LRRC55: variants seen among roughly 807,000 people sequenced by gnomAD.
LRRC55 encodes leucine-rich repeat-containing protein 55.
LRRC55 carries 11 observed loss-of-function variants against 20.5 expected under a neutral mutation model. The ratio of observed to expected loss-of-function variants is 0.54; its 90% CI spans 0.34 to 0.89. The LOEUF (loss-of-function observed/expected upper bound fraction) is 0.89, where lower values mean the gene tolerates loss of function less well. LRRC55 is among the 40% of genes least tolerant of loss of function. LRRC55 has a pLI of 0.02. For synonymous variants in LRRC55, 188 were observed against 166.6 expected (o/e 1.13, Z -0.99); for missense variants, 358 against 390.9 (o/e 0.92, Z 0.71).
At chr11:57,182,805 CTT>C in intron 1 of LRRC55, 122 bp downstream of exon 1, 1 of 1,065,502 alleles carries the variant, frequency 9.4e-7, no homozygotes, top group South Asian at 2.9e-5. Context: ...CTAATGTGGG[CTT>C]GCCTCTTTGT....
Position 57,187,484 on chromosome 11 carries a change from GCCTGCC to G in LRRC55, c.*5_*10del, listed in dbSNP as rs1854448596. 6.2e-7 allele frequency: 1 copy of G among 1,611,696 alleles called. No homozygotes were observed. Among genetic ancestry groups the G allele is most frequent in the African/African-American group, 1.3e-5 (1 of 74,900 alleles). On this transcript the variant is annotated 3_prime_UTR_variant, in exon 2 of 2. Transcript: ENST00000497933. ...CAGTGAAGAGGAAGAGATCTGACAT[GCCTGCC>G]TCTCATCCCTCCATGCTGCTGACCG...
rs538373178 is a variant in LRRC55, at chr11:57,190,082, C to A, written c.*2602C>A. 1 of 152,182 alleles carries A rather than the reference C, an allele frequency of 6.6e-6. No individual in the cohort carries two copies. The highest frequency in any genetic ancestry group is 1.9e-4 in the East Asian group (1 of 5,196). 9.4% of individuals were successfully genotyped at this position (152,182 alleles called of 1,614,324 possible). On this transcript the variant is annotated 3_prime_UTR_variant, in exon 2 of 2. Transcript: ENST00000497933. Reference sequence around the variant, plus strand: ...AGCAACCTAAATACTTGGAGAGGAACTTTTAGAAACTATAATCCTGACAAA... The same window carrying A: ...AGCAACCTAAATACTTGGAGAGGAAATTTTAGAAACTATAATCCTGACAAA...
chr11:57,183,052 C>T (rs1854384199), intron 1 of LRRC55, among the ~76,000 whole-genome samples: 1 of 152,080 alleles, frequency 6.6e-6, no homozygotes, highest in Non-Finnish European at 1.5e-5. Context: ...TTTATTATAC[C>T]CATTTTCCAG....
chr11:57,186,081 A>G (rs928365260), intron 1 of LRRC55, among the ~76,000 whole-genome samples: 2 of 152,154 alleles, frequency 1.3e-5, no homozygotes, highest in Non-Finnish European at 2.9e-5. Context: ...TGAGAAGTAG[A>G]TACTGTTATT....
At position 57,189,416 on chromosome 11, in the gene LRRC55, C is replaced by T. The variant is rs980662935; in HGVS notation, c.*1936C>T. ...CATCTGCTGTACAGATTGAACTATG[C>T]TCACGGTAGGGCAAATTGCAGGCTC... is the stretch of plus-strand genomic sequence containing the variant. On this transcript the variant is annotated 3_prime_UTR_variant, in exon 2 of 2. Coordinates refer to ENST00000497933, the MANE Select transcript of LRRC55 (RefSeq NM_001005210.4). 6.6e-6 allele frequency: 1 copy of T among 152,214 alleles called. No individual in the cohort carries two copies. The highest frequency in any genetic ancestry group is 2.4e-5 in the African/African-American group (1 of 41,466). 9.4% of individuals were successfully genotyped at this position (152,214 alleles called of 1,614,324 possible).
rs1016268203 is a variant in LRRC55, at chr11:57,187,806, CT to C, written c.*327del. On this transcript the variant is annotated 3_prime_UTR_variant, in exon 2 of 2. Coordinates refer to ENST00000497933, the MANE Select transcript of LRRC55 (RefSeq NM_001005210.4). Reference sequence around the variant, plus strand: ...GGAGGCCCAGAGGAGGAGCCATCATCTGTATCTAGCAATGTCCATGAGAATT... The same window carrying C: ...GGAGGCCCAGAGGAGGAGCCATCATCGTATCTAGCAATGTCCATGAGAATT... The C allele has an allele frequency of 3.3e-5, 14 of 421,634 alleles. No individual in the cohort carries two copies. Among genetic ancestry groups the C allele is most frequent in the African/African-American group, 2.9e-4 (14 of 49,002 alleles). 26.1% of individuals were successfully genotyped at this position (421,634 alleles called of 1,614,324 possible).
chr11:57,186,699 C>G (rs1854435458), intron 1 of LRRC55, among the ~76,000 whole-genome samples: 1 of 152,132 alleles, frequency 6.6e-6, no homozygotes, highest in Non-Finnish European at 1.5e-5. Context: ...GTGTGTGTGG[C>G]TAGAGCAGGG....
chr11:57,187,605 G>A lies in LRRC55; in HGVS notation c.*125G>A, dbSNP rs1854450957. The A allele has an allele frequency of 6.7e-6, 6 of 896,238 alleles. No homozygotes were observed. The South Asian group carries it at 8.8e-5, about 13-fold the overall frequency. The allele number at this position is 896,238 out of a possible 1,614,324, so 55.5% of individuals were successfully genotyped here. ...GCCTCAGTCATGGTTCAAGCAAGGT[G>A]GGGACACTCATTTTGTATGAGCATC... On this transcript the variant is annotated 3_prime_UTR_variant, in exon 2 of 2. Transcript: ENST00000497933.
rs1291468110 is a variant in LRRC55 at position 57,182,694 on chromosome 11, G to A, written c.661+11G>A. On this transcript the variant is annotated intron_variant, in intron 1 of 1. Transcript: ENST00000497933. ...AGCGCTGTACAGCAGGTAATAGAGG[G>A]GCAGAACGGGGCAGTCAACAGGGAG... The A allele has an allele frequency of 6.8e-7, 1 of 1,464,932 alleles. No homozygotes were observed. 90.7% of individuals were successfully genotyped at this position (1,464,932 alleles called of 1,614,324 possible). A position where few individuals can be genotyped will look rare whatever the true frequency, so the allele number is the denominator to read the frequency against.
Position 57,182,702 on chromosome 11 carries a change from G to T in LRRC55, c.661+19G>T. ...ACAGCAGGTAATAGAGGGGCAGAAC[G>T]GGGCAGTCAACAGGGAGGGCTTGCC... On this transcript the variant is annotated intron_variant, in intron 1 of 1. Transcript: ENST00000497933. 2 of 1,457,764 alleles carry T rather than the reference G, an allele frequency of 1.4e-6. No individual in the cohort carries two copies. 90.3% of individuals were successfully genotyped at this position (1,457,764 alleles called of 1,614,324 possible). A position where few individuals can be genotyped will look rare whatever the true frequency, so the allele number is the denominator to read the frequency against.
chr11:57,184,054 G>T (rs1854398059), intron 1 of LRRC55, among the ~76,000 whole-genome samples: 2 of 152,200 alleles, frequency 1.3e-5, no homozygotes, highest in Admixed American at 6.5e-5. Context: ...TGAGTGGGGA[G>T]CCCAAGACCA....
At chr11:57,183,891 A>G (rs942938262) in intron 1 of LRRC55, among the ~76,000 whole-genome samples, 5 of 152,198 alleles carry the variant, frequency 3.3e-5, no homozygotes, top group African/African-American at 1.2e-4. Context: ...CTGTGGCCCT[A>G]GCCACCAGCT....
intron 1 of LRRC55, among the ~76,000 whole-genome samples, chr11:57,186,704 G>A (rs530264219): frequency 6.6e-6 from 1 of 152,314 alleles, no homozygotes; most frequent in Admixed American, 6.5e-5. Context: ...TGTGGCTAGA[G>A]CAGGGTAAGT....
At position 57,181,985 on chromosome 11, in the gene LRRC55, T is replaced by A. The variant is rs766802029; in HGVS notation, c.-38T>A. The A allele has an allele frequency of 1.1e-5, 18 of 1,614,068 alleles. No homozygotes were observed. Among genetic ancestry groups the A allele is most frequent in the South Asian group, 3.3e-5 (3 of 91,088 alleles). ...CTCGATTCCATGGACACAGTCCTCA[T>A]GGGCTCCCTCCAGCACTGCTGTTGC... On this transcript the variant is annotated 5_prime_UTR_variant, in exon 1 of 2. An upstream start codon of the reference 5' UTR is lost. Coordinates refer to ENST00000497933, the MANE Select transcript of LRRC55 (RefSeq NM_001005210.4).
At chr11:57,184,234 C>A (rs1452373685) in intron 1 of LRRC55, among the ~76,000 whole-genome samples, 1 of 151,630 alleles carries the variant, frequency 6.6e-6, no homozygotes, top group Non-Finnish European at 1.5e-5. Context: ...GGCAGGCGCG[C>A]CTTCCCTCTC....
chr11:57,187,159 C>A, intron 1 of LRRC55, 86 bp from the exon 2 acceptor site: 1 of 1,214,142 alleles, frequency 8.2e-7, no homozygotes. Context: ...GTCTTTCTTA[C>A]TTTTTCCAGC....
intron 1 of LRRC55, 111 bp from the exon 2 acceptor site, chr11:57,187,134 A>G (rs1854441339): frequency 7.4e-6 from 7 of 948,958 alleles, no homozygotes; most frequent in South Asian, 5.5e-5. Context: ...GGCACATGGA[A>G]GAACTTCAAT....
At chr11:57,183,223 C>T (rs1202592633) in intron 1 of LRRC55, among the ~76,000 whole-genome samples, 3 of 152,180 alleles carry the variant, frequency 2.0e-5, no homozygotes, top group African/African-American at 7.2e-5. Flanking sequence ...TTCTAATCTA[C>T]CAGAATGCTT....
Position 57,187,598 on chromosome 11 carries a change from G to A in LRRC55, c.*118G>A. The A allele has an allele frequency of 1.0e-6, 1 of 952,670 alleles. No homozygotes were observed. The highest frequency in any genetic ancestry group is 1.6e-6 in the Non-Finnish European group (1 of 620,760). The allele number at this position is 952,670 out of a possible 1,614,324, so 59.0% of individuals were successfully genotyped here. A position where few individuals can be genotyped will look rare whatever the true frequency, so the allele number is the denominator to read the frequency against. On this transcript the variant is annotated 3_prime_UTR_variant, in exon 2 of 2. Transcript: ENST00000497933. ...CCTGGCTGCCTCAGTCATGGTTCAA[G>A]CAAGGTGGGGACACTCATTTTGTAT...
Sources: allele counts gnomAD v4.1 joint callset (sites outside exome capture counted in the v4.1 genomes callset), GRCh38; gene constraint gnomAD v4.1.1; transcripts MANE v1.5; gene names NCBI Gene and HGNC (gene_info 2026-07-23, HGNC 2026-07-21).